Variants in COPS3 observed in about 807,000 individuals in gnomAD.
COPS3 encodes COP9 signalosome subunit 3.
A neutral mutation model predicts 58.2 loss-of-function variants in COPS3; 10 were observed. The observed-to-expected ratio is 0.17, with a 90% CI of 0.11 to 0.29. COPS3 has a LOEUF of 0.29. Among genes scored for constraint, COPS3 ranks in the 10% least tolerant of loss-of-function variants. The pLI, the probability that COPS3 is intolerant of heterozygous loss-of-function variation, is 1.00. For missense variants in COPS3, 333 were observed against 510.1 expected (o/e 0.65, Z 3.34); for synonymous variants, 187 against 181.7 (o/e 1.03, Z -0.24).
intron 2 of COPS3, among the ~76,000 whole-genome samples, chr17:17,271,857 T>TAC (rs1555620694): frequency 0.024 from 3,198 of 135,236 alleles, 109 homozygotes; most frequent in African/African-American, 0.072. Flanking sequence ...TATATATATA[T>TAC]ACACACATAC....
At chr17:17,272,323 T>A (rs1386544276) in intron 2 of COPS3, among the ~76,000 whole-genome samples, 6 of 151,940 alleles carry the variant, frequency 3.9e-5, no homozygotes, top group Non-Finnish European at 8.8e-5. Flanking sequence ...TTTGGGAGGC[T>A]GAGACAGGAG....
intron 9 of COPS3, among the ~76,000 whole-genome samples, chr17:17,254,549 T>C (rs146665245): frequency 1.5e-3 from 236 of 152,290 alleles, no homozygotes; most frequent in African/African-American, 5.5e-3. Context: ...CGGTGGCTCA[T>C]GCCTATAATC....
At chr17:17,268,466 T>C (rs541590235) in intron 4 of COPS3, among the ~76,000 whole-genome samples, 2 of 152,290 alleles carry the variant, frequency 1.3e-5, no homozygotes, top group African/African-American at 4.8e-5. Context: ...GCCCTGATTA[T>C]AAATAAGAAG....
At chr17:17,255,147 G>T in intron 8 of COPS3, 1 of 410,302 alleles carries the variant, frequency 2.4e-6, no homozygotes. Flanking sequence ...TAAAAATACA[G>T]AAAATTAGCT....
In COPS3 at chr17:17,270,777, G is replaced by A; in HGVS notation, c.329C>T (p.Ala110Val). The A allele has an allele frequency of 6.3e-7, 1 of 1,596,748 alleles. No homozygotes were observed. The highest frequency in any genetic ancestry group is 8.5e-7 in the Non-Finnish European group (1 of 1,169,932). ...FAGLCHQLTN[A>V]LVERKQPLRG... ...TCTTACCTGTTTTCTTTCCACAAGT[G>A]CATTTGTTAGCTGATGGCAAAGCCC... is the stretch of plus-strand genomic sequence containing the variant. Residue 110 changes from alanine (A) to valine (V), a missense_variant, in exon 4 of 12, where the codon GCA becomes GTA. Coordinates refer to ENST00000268717, the MANE Select transcript of COPS3 (RefSeq NM_003653.4).
chr17:17,246,779 TA>T lies in COPS3; in HGVS notation c.*318del. The T allele has an allele frequency of 3.7e-6, 1 of 272,150 alleles. No individual in the cohort carries two copies. The highest frequency in any genetic ancestry group is 6.8e-5 in the East Asian group (1 of 14,670). 16.9% of individuals were successfully genotyped at this position (272,150 alleles called of 1,614,324 possible). A position where few individuals can be genotyped will look rare whatever the true frequency, so the allele number is the denominator to read the frequency against. ...TTCTGTTCACAATGAATGTGCTTAT[TA>T]AAAACTTCAGAGGAGAAAAAAGTGA... On this transcript the variant is annotated 3_prime_UTR_variant, in exon 12 of 12. Coordinates refer to ENST00000268717, the MANE Select transcript of COPS3 (RefSeq NM_003653.4).
rs1363721133 is a variant in COPS3 at position 17,268,300 on chromosome 17, T to A, written c.349-323A>T. Among the ~76,000 whole-genome samples, 4 of 152,192 alleles carry A rather than the reference T, an allele frequency of 2.6e-5. No homozygotes were observed. The East Asian group carries it at 7.7e-4, about 29-fold the overall frequency. On this transcript the variant is annotated intron_variant, in intron 4 of 11. Coordinates refer to ENST00000268717, the MANE Select transcript of COPS3 (RefSeq NM_003653.4). ...TTAACATCTAAACAAATGAAAACTT[T>A]CCAAATCACTTATTATACAAGAGAC...
chr17:17,262,635 CAGG>C (rs1424493430), intron 6 of COPS3, among the ~76,000 whole-genome samples: 3 of 151,890 alleles, frequency 2.0e-5, no homozygotes, highest in Admixed American at 6.6e-5. Flanking sequence ...GAGGCTGAGG[CAGG>C]AGAAGGGTGT....
chr17:17,253,458 G>T (rs931621463), intron 9 of COPS3, among the ~76,000 whole-genome samples: 13 of 152,234 alleles, frequency 8.5e-5, no homozygotes, highest in Admixed American at 4.6e-4. Flanking sequence ...TGCCTGGTTG[G>T]GGTGGGGCTG....
intron 1 of COPS3, 111 bp from the exon 2 acceptor site, chr17:17,276,275 T>C: frequency 2.1e-6 from 3 of 1,400,794 alleles, no homozygotes; most frequent in Non-Finnish European, 3.0e-6. Flanking sequence ...AATTGATTCT[T>C]AATCTCCTTC....
intron 4 of COPS3, among the ~76,000 whole-genome samples, chr17:17,270,156 CCAA>C (rs2048314690): frequency 6.8e-6 from 1 of 146,514 alleles, no homozygotes. Context: ...GACTCTGTCT[CCAA>C]AAAAAAAAAC....
At chr17:17,264,773 C>A in intron 6 of COPS3, 29 bp downstream of exon 6, 1 of 1,583,356 alleles carries the variant, frequency 6.3e-7, no homozygotes, top group Admixed American at 1.9e-5. Context: ...AAGTTCAGAA[C>A]AACCTCAGCT....
chr17:17,270,121 C>T (rs1264917890), intron 4 of COPS3, among the ~76,000 whole-genome samples: 2 of 151,796 alleles, frequency 1.3e-5, no homozygotes, highest in African/African-American at 2.4e-5. Flanking sequence ...GGCGCCACTG[C>T]ACTCCAGCCT....
In COPS3 at chr17:17,255,866, A is replaced by G. The variant is rs867087055; in HGVS notation, c.937-921T>C. 3.7e-3 allele frequency among the ~76,000 whole-genome samples: 549 copies of G among 148,680 alleles called. 3 individuals carry two copies. Among genetic ancestry groups the G allele is most frequent in the African/African-American group, 0.013 (510 of 40,354 alleles). ...AATAAATAAATAAATAAATAAATAA[A>G]TAAATAAATAAATAACTGATAGGCT... On this transcript the variant is annotated intron_variant, in intron 8 of 11. Coordinates refer to ENST00000268717, the MANE Select transcript of COPS3 (RefSeq NM_003653.4).
intron 6 of COPS3, among the ~76,000 whole-genome samples, chr17:17,263,012 G>A (rs2048137274): frequency 6.6e-6 from 1 of 151,580 alleles, no homozygotes; most frequent in Non-Finnish European, 1.5e-5. Flanking sequence ...CTCCTGGCTG[G>A]GCGTGTTGGC....
chr17:17,280,900 C>T (rs1319018445), intron 1 of COPS3: 1 of 958,976 alleles, frequency 1.0e-6, no homozygotes, highest in Non-Finnish European at 1.5e-6. Context: ...AGGGGGCTCC[C>T]GGCGGCCCGA....
intron 6 of COPS3, among the ~76,000 whole-genome samples, chr17:17,263,147 G>A (rs1457305591): frequency 6.6e-6 from 1 of 151,744 alleles, no homozygotes; most frequent in Non-Finnish European, 1.5e-5. Context: ...AATTAGCCAG[G>A]TGTGGTGGCA....
chr17:17,281,218 C>T lies in COPS3; in HGVS notation c.-32G>A. On this transcript the variant is annotated 5_prime_UTR_variant, in exon 1 of 12. Coordinates refer to ENST00000268717, the MANE Select transcript of COPS3 (RefSeq NM_003653.4). The stretch of plus-strand genomic sequence containing the variant: ...CCCCGGGCGGCCCGAGCGGCGAAGG[C>T]AGCACGCGCGGGAAAAGGCTGCCGC... 3.1e-6 allele frequency: 5 copies of T among 1,599,554 alleles called. No individual in the cohort carries two copies. The highest frequency in any genetic ancestry group is 1.1e-5 in the South Asian group (1 of 88,982).
At chr17:17,279,250 T>C (rs959336781) in intron 1 of COPS3, among the ~76,000 whole-genome samples, 5 of 152,178 alleles carry the variant, frequency 3.3e-5, no homozygotes, top group African/African-American at 1.2e-4. Context: ...TATTTATCTC[T>C]GTCTAGCAGA....
Sources: gnomAD v4.1 joint callset for allele counts (sites outside exome capture counted in the v4.1 genomes callset) on GRCh38, gnomAD v4.1.1 for gene constraint, MANE v1.5 for transcripts, NCBI Gene and HGNC (gene_info 2026-07-23, HGNC 2026-07-21) for gene names.